MPND: variants seen among roughly 807,000 people sequenced by gnomAD.
MPND encodes the protein MPN domain-containing protein.
Under a neutral mutation model 59.2 loss-of-function variants are expected in MPND, and 56 were observed. The observed-to-expected ratio is 0.95, with a 90% confidence interval of 0.76 to 1.18. The LOEUF (loss-of-function observed/expected upper bound fraction) is 1.18, where lower values mean the gene tolerates loss of function less well. Ranked by LOEUF, MPND falls within the 50% of genes most tolerant of loss-of-function variation. MPND has a pLI of 0.00. For missense variants in MPND, 671 were observed against 676.0 expected (o/e 0.99, Z 0.08); for synonymous variants, 323 against 291.9 (o/e 1.11, Z -1.09).
At chr19:4,355,732 G>T (rs777114366) in intron 8 of MPND, among the ~76,000 whole-genome samples, 7 of 151,904 alleles carry the variant, frequency 4.6e-5, no homozygotes, top group Non-Finnish European at 8.8e-5. Context: ...GCCTCCCAAA[G>T]TGTTGGGATT....
At position 4,357,269 on chromosome 19, in the gene MPND, T is replaced by TCCTGCGGGGCCTGTC. The variant is rs748338147; in HGVS notation, c.1018_1032dup (p.Arg340_Leu344dup). Reference sequence around the variant, plus strand: ...TGTCCCCAGATCTACCAGAGCCTGTTCCTGCGGGGCCTGTCCCTGGTGGGC... The same window carrying TCCTGCGGGGCCTGTC: ...TGTCCCCAGATCTACCAGAGCCTGTTCCTGCGGGGCCTGTCCCTGCGGGGCCTGTCCCTGGTGGGC... On this transcript the variant is annotated inframe_insertion, in exon 9 of 13. Coordinates refer to ENST00000599840, the MANE Select transcript of MPND (RefSeq NM_001300862.2). The TCCTGCGGGGCCTGTC allele has an allele frequency of 6.2e-7, 1 of 1,606,792 alleles. No individual in the cohort carries two copies. Among genetic ancestry groups the TCCTGCGGGGCCTGTC allele is most frequent in the South Asian group, 1.1e-5 (1 of 90,332 alleles).
chr19:4,344,770 GC>G, intron 2 of MPND, among the ~76,000 whole-genome samples: 1 of 135,954 alleles, frequency 7.4e-6, no homozygotes. Flanking sequence ...ACAGAGTCTC[GC>G]TTTTTTGCCC....
Position 4,357,258 on chromosome 19 carries a change from C to A in MPND, c.1002C>A (p.Tyr334Ter), listed in dbSNP as rs983850328. Reference sequence around the variant, plus strand: ...AGCTGCGCCTCTGTCCCCAGATCTACCAGAGCCTGTTCCTGCGGGGCCTGT... The same window carrying A: ...AGCTGCGCCTCTGTCCCCAGATCTAACAGAGCCTGTTCCTGCGGGGCCTGT... ...ETAAAIEEEI[Y>*]QSLFLRGLSL... is the part of the protein sequence containing the mutation. Residue 334 changes from tyrosine (Y) to a stop codon, truncating the protein, a stop_gained, in exon 9 of 13, where the codon TAC becomes TAA. Transcript: ENST00000599840. LOFTEE classifies it high-confidence loss of function. 6.2e-7 allele frequency: 1 copy of A among 1,601,256 alleles called. No homozygotes were observed. Among genetic ancestry groups the A allele is most frequent in the Non-Finnish European group, 8.5e-7 (1 of 1,173,344 alleles).
chr19:4,345,051 T>TC (rs1334490068), intron 2 of MPND, among the ~76,000 whole-genome samples: 1 of 131,380 alleles, frequency 7.6e-6, no homozygotes, highest in East Asian at 2.1e-4. Context: ...TTTTTTTTTT[T>TC]TTTTTTTTTT....
Position 4,353,007 on chromosome 19 carries a change from C to T in MPND, c.642C>T (p.Ser214=), listed in dbSNP as rs1568398276. 1 of 1,352,110 alleles carries T rather than the reference C, an allele frequency of 7.4e-7. No individual in the cohort carries two copies. Among genetic ancestry groups the T allele is most frequent in the Non-Finnish European group, 9.6e-7 (1 of 1,040,984 alleles). 83.8% of individuals were successfully genotyped at this position (1,352,110 alleles called of 1,614,324 possible). A position where few individuals can be genotyped will look rare whatever the true frequency, so the allele number is the denominator to read the frequency against. ...AGAGTCGGAGACCACTGGGGAAGAG[C>T]CCTTCAGAGCCTGCCCACCCGGGTG... is the stretch of plus-strand genomic sequence containing the variant. The part of the protein sequence containing the change: ...EDKSRRPLGK[S]PSEPAHPEAT... The change falls in exon 4 of 13, where the codon AGC becomes AGT. Residue 214 remains serine, a synonymous_variant. Coordinates refer to ENST00000599840, the MANE Select transcript of MPND (RefSeq NM_001300862.2).
At chr19:4,347,772 G>T in intron 3 of MPND, 1 of 551,240 alleles carries the variant, frequency 1.8e-6, no homozygotes, top group South Asian at 2.2e-5. Flanking sequence ...CGACGCAGTG[G>T]CAAAAAAACC....
At position 4,354,428 on chromosome 19, in the gene MPND, GC is replaced by G; in HGVS notation, c.846+11del. The G allele has an allele frequency of 6.4e-7, 1 of 1,553,336 alleles. No homozygotes were observed. The highest frequency in any genetic ancestry group is 8.7e-7 in the Non-Finnish European group (1 of 1,147,588). ...AACGTGCTGTTCCTGCTGGTGTGTG[GC>G]CCACCCTGTCTAGGGGCAAGGGGCT... On this transcript the variant is annotated intron_variant, in intron 6 of 12. Coordinates refer to ENST00000599840, the MANE Select transcript of MPND (RefSeq NM_001300862.2).
chr19:4,346,412 G>T (rs1033921907), intron 3 of MPND, among the ~76,000 whole-genome samples: 1 of 151,988 alleles, frequency 6.6e-6, no homozygotes, highest in African/African-American at 2.4e-5. Flanking sequence ...CCCTTTGTGT[G>T]CCTTAGTTTT....
At chr19:4,350,473 G>A (rs370625305) in intron 3 of MPND, among the ~76,000 whole-genome samples, 4 of 152,300 alleles carry the variant, frequency 2.6e-5, no homozygotes, top group African/African-American at 9.6e-5. Flanking sequence ...GTGGGATCCA[G>A]GGACCAGGGC....
rs371005566 is a variant in MPND, at chr19:4,345,941, G to A, written c.491G>A (p.Arg164Gln). ...KLDKYKATWL[R>Q]LHQLHTPATA... ...GACAAGTACAAGGCCACCTGGCTCC[G>A]GCTGCACCAGCTGCACACGCCTGCC... The change falls in exon 3 of 13, where the codon CGG (arginine) becomes CAG (glutamine). Residue 164 changes from arginine to glutamine, a missense_variant. By Grantham distance (43) the Arg-to-Gln change is conservative. Transcript: ENST00000599840. 4.0e-5 allele frequency: 64 copies of A among 1,613,100 alleles called. 1 individual carries two copies. In the African/African-American group the frequency reaches 5.1e-4, roughly 13 times the overall value.
At chr19:4,345,681 C>T (rs887690110) in intron 2 of MPND, 64 bp from the exon 3 acceptor site, 11 of 1,483,692 alleles carry the variant, frequency 7.4e-6, no homozygotes, top group African/African-American at 1.4e-5. Context: ...CTGGGGAGGA[C>T]CCCCCGGGAG....
In MPND at chr19:4,349,515, A is replaced by AT. The variant is rs1010736379; in HGVS notation, c.532-3370dup. On this transcript the variant is annotated intron_variant, in intron 3 of 12. Coordinates refer to ENST00000599840, the MANE Select transcript of MPND (RefSeq NM_001300862.2). ...CCTCAGTGGCTCAGTGAGTGGGTCTATTTTTTTTTTTTGAGATGGAGTGTC... is the reference window on the plus strand; with the variant it reads ...CCTCAGTGGCTCAGTGAGTGGGTCTATTTTTTTTTTTTTGAGATGGAGTGTC... Among the ~76,000 whole-genome samples, 654 of 141,930 alleles carry AT rather than the reference A, an allele frequency of 4.6e-3. 3 individuals carry two copies. Among genetic ancestry groups the AT allele is most frequent in the African/African-American group, 0.011 (438 of 38,850 alleles). The allele number at this position is 141,930 out of a possible 152,430, so 93.1% of individuals were successfully genotyped here.
chr19:4,353,107 C>T (rs1972359478), intron 4 of MPND, 78 bp downstream of exon 4: 3 of 1,177,192 alleles, frequency 2.5e-6, no homozygotes, highest in Non-Finnish European at 3.3e-6. Context: ...AGAGGTTGGG[C>T]CTTGATCTTC....
At chr19:4,346,349 A>G (rs891304522) in intron 3 of MPND, among the ~76,000 whole-genome samples, 1 of 152,146 alleles carries the variant, frequency 6.6e-6, no homozygotes, top group Non-Finnish European at 1.5e-5. Flanking sequence ...TTCAAATGCT[A>G]TGATAATAGA....
rs1390471226 is a variant in MPND, at chr19:4,343,614, A to G, written c.7+14A>G. ...CGGCCATGGCAGGTACGGCGGGCCC[A>G]GCGGGGCGGAGGCGCGGGGCGCGGG... On this transcript the variant is annotated intron_variant, in intron 1 of 12. Coordinates refer to ENST00000599840, the MANE Select transcript of MPND (RefSeq NM_001300862.2). 2.0e-6 allele frequency: 2 copies of G among 976,800 alleles called. No homozygotes were observed. Among genetic ancestry groups the G allele is most frequent in the Non-Finnish European group, 2.6e-6 (2 of 779,786 alleles). 60.5% of individuals were successfully genotyped at this position (976,800 alleles called of 1,614,324 possible).
At chr19:4,355,426 C>G (rs1483561079) in intron 8 of MPND, among the ~76,000 whole-genome samples, 1 of 151,940 alleles carries the variant, frequency 6.6e-6, no homozygotes, top group Non-Finnish European at 1.5e-5. Flanking sequence ...AGCTCCGCCT[C>G]CCGGGTTCAC....
At chr19:4,349,034 G>A in intron 3 of MPND, 2 of 216,714 alleles carry the variant, frequency 9.2e-6, no homozygotes, top group Non-Finnish European at 2.0e-5. Context: ...CAGCAGAGGG[G>A]TTGAAAGAGT....
rs1599579502 is a variant in MPND, at chr19:4,358,152, A to G, written c.1306A>G (p.Asn436Asp). 6.4e-7 allele frequency: 1 copy of G among 1,551,394 alleles called. No homozygotes were observed. The highest frequency in any genetic ancestry group is 8.7e-7 in the Non-Finnish European group (1 of 1,146,960). Residue 436 changes from asparagine (N) to aspartate (D), a missense_variant, in exon 11 of 13, where the codon AAT (asparagine) becomes GAT (aspartate). Coordinates refer to ENST00000599840, the MANE Select transcript of MPND (RefSeq NM_001300862.2). ...CTACGTCCAGGACAGCTTCCTGACCAATGACATCCTTCACGAGATGGTGAG... is the reference window on the plus strand; with the variant it reads ...CTACGTCCAGGACAGCTTCCTGACCGATGACATCCTTCACGAGATGGTGAG... ...MAYVQDSFLT[N>D]DILHEMMLLV...
rs1972401786 is a variant in MPND at position 4,354,985 on chromosome 19, G to T, written c.883G>T (p.Gly295Cys). 6.2e-7 allele frequency: 1 copy of T among 1,605,402 alleles called. No homozygotes were observed. The highest frequency in any genetic ancestry group is 1.3e-5 in the African/African-American group (1 of 74,532). Residue 295 changes from glycine to cysteine, a missense_variant, in exon 7 of 13, where the codon GGT becomes TGT. Coordinates refer to ENST00000599840, the MANE Select transcript of MPND (RefSeq NM_001300862.2). ...HSHLTRSEVV[G>C]YLGGRWDVNS... ...TCACCTGACACGGAGTGAGGTCGTG[G>T]GTTACCTGGGGGGCCGCTGGGACGT...
Sources: allele counts gnomAD v4.1 joint callset (sites outside exome capture counted in the v4.1 genomes callset), GRCh38; gene constraint gnomAD v4.1.1; transcripts MANE v1.5; gene names NCBI Gene and HGNC (gene_info 2026-07-23, HGNC 2026-07-21).